Variants in TCF7L1 observed in about 807,000 individuals in gnomAD.
TCF7L1 encodes the protein transcription factor 7 like 1.
Under a neutral mutation model 63.7 loss-of-function variants are expected in TCF7L1, and 18 were observed. That is an observed-to-expected ratio of 0.28 (90% confidence interval 0.20 to 0.42). The LOEUF (loss-of-function observed/expected upper bound fraction) is 0.42. Ranked by LOEUF, TCF7L1 falls within the 10% of genes least tolerant of loss-of-function variation. The probability of loss-of-function intolerance (pLI) is 1.00; values close to 1 mark genes in which losing one functional copy is unlikely to be tolerated. For missense variants in TCF7L1, 654 were observed against 779.3 expected, an observed-to-expected ratio of 0.84 and a Z score of 1.91; for synonymous variants, 355 against 340.9, an observed-to-expected ratio of 1.04 and a Z score of -0.46.
chr2:85,219,030 G>T (rs753236777), intron 3 of TCF7L1, among the ~76,000 whole-genome samples: 1 of 152,164 alleles, frequency 6.6e-6, no homozygotes, highest in Admixed American at 6.5e-5. Flanking sequence ...GCACACACCT[G>T]TAATCCCAGC....
chr2:85,177,688 G>A (rs1472579610), intron 3 of TCF7L1, among the ~76,000 whole-genome samples: 1 of 152,096 alleles, frequency 6.6e-6, no homozygotes, highest in Non-Finnish European at 1.5e-5. Context: ...CTGGGCAACA[G>A]AGCAAGACCC....
chr2:85,309,674 T>A lies in TCF7L1; in HGVS notation c.*212T>A, dbSNP rs1682229867. ...AACAAAACAAAACAACAAAAAAAAA[T>A]CTTTATAAGAAAGAGAACTGAAAAG... On this transcript the variant is annotated 3_prime_UTR_variant, in exon 12 of 12. Transcript: ENST00000282111. The A allele has an allele frequency of 2.1e-6, 1 of 476,982 alleles. No homozygotes were observed. The highest frequency in any genetic ancestry group is 2.0e-5 in the African/African-American group (1 of 50,004). 29.5% of individuals were successfully genotyped at this position (476,982 alleles called of 1,614,324 possible).
At chr2:85,180,934 A>C (rs1678792768) in intron 3 of TCF7L1, among the ~76,000 whole-genome samples, 2 of 152,196 alleles carry the variant, frequency 1.3e-5, no homozygotes, top group African/African-American at 4.8e-5. Context: ...TCCTAGCCCC[A>C]GCCTTCCTAA....
chr2:85,287,571 C>T (rs1179991255), intron 4 of TCF7L1, among the ~76,000 whole-genome samples: 4 of 152,136 alleles, frequency 2.6e-5, no homozygotes, highest in African/African-American at 9.7e-5. Context: ...ACCGTTGCCA[C>T]ACATGGCATT....
intron 3 of TCF7L1, among the ~76,000 whole-genome samples, chr2:85,222,409 C>T (rs1329910528): frequency 6.7e-6 from 1 of 150,236 alleles, no homozygotes; most frequent in African/African-American, 2.4e-5. Flanking sequence ...GTGGTTCACG[C>T]CTGTAATCCC....
At chr2:85,297,901 G>A (rs2104383245) in intron 4 of TCF7L1, among the ~76,000 whole-genome samples, 1 of 151,772 alleles carries the variant, frequency 6.6e-6, no homozygotes, top group Admixed American at 6.6e-5. Context: ...TTTCTTCTTA[G>A]CATTTTAACA....
chr2:85,295,025 G>A (rs1681809643), intron 4 of TCF7L1, among the ~76,000 whole-genome samples: 2 of 151,754 alleles, frequency 1.3e-5, no homozygotes, highest in Admixed American at 1.3e-4. Flanking sequence ...CTGAGACCCT[G>A]TCTGAAAAAA....
At position 85,153,340 on chromosome 2, in the gene TCF7L1, A is replaced by ATTTTTTTTTTTTTTTTTTT. The variant is rs66697146; in HGVS notation, c.441+18891_441+18909dup. ...TTCATGATCTTGCTAGCCTTTATAA[A>ATTTTTTTTTTTTTTTTTTT]TTTTTTTTTTTTTTTTTTTGAGATG... is the stretch of plus-strand genomic sequence containing the variant. On this transcript the variant is annotated intron_variant, in intron 3 of 11. Transcript: ENST00000282111. 1.4e-3 allele frequency among the ~76,000 whole-genome samples: 140 copies of ATTTTTTTTTTTTTTTTTTT among 102,262 alleles called. 5 individuals are homozygous for ATTTTTTTTTTTTTTTTTTT. The highest frequency in any genetic ancestry group is 1.8e-3 in the Non-Finnish European group (97 of 55,218). The allele number at this position is 102,262 out of a possible 152,430, so 67.1% of individuals were successfully genotyped here. A position where few individuals can be genotyped will look rare whatever the true frequency, so the allele number is the denominator to read the frequency against.
At chr2:85,162,353 AG>A (rs1678307467) in intron 3 of TCF7L1, among the ~76,000 whole-genome samples, 1 of 152,218 alleles carries the variant, frequency 6.6e-6, no homozygotes, top group South Asian at 2.1e-4. Context: ...CACTTTTAAA[AG>A]TTGGTACACA....
At chr2:85,248,783 G>C (rs1680525601) in intron 3 of TCF7L1, among the ~76,000 whole-genome samples, 2 of 152,182 alleles carry the variant, frequency 1.3e-5, no homozygotes, top group Admixed American at 6.5e-5. Context: ...GCTCAGCCAG[G>C]AGTGAGTGAT....
intron 3 of TCF7L1, 72 bp from the exon 4 acceptor site, chr2:85,283,423 A>T: frequency 6.4e-7 from 1 of 1,558,950 alleles, no homozygotes; most frequent in African/African-American, 1.4e-5. Flanking sequence ...CTAACAGCAG[A>T]GCCCAGCAAA....
chr2:85,306,514 G>A lies in TCF7L1; in HGVS notation c.1212G>A (p.Gln404=). ...KYYELARKER[Q]LHSQLYPTWS... ...ACGAGCTGGCCCGGAAGGAGCGGCA[G>A]CTTCACTCGCAGCTCTACCCAACCT... is the stretch of plus-strand genomic sequence containing the variant. Residue 404 remains glutamine (Q), a synonymous_variant, in exon 10 of 12, where the codon CAG becomes CAA. Coordinates refer to ENST00000282111, the MANE Select transcript of TCF7L1 (RefSeq NM_031283.3). This position sits in a 1 kb window ranked among gnomAD's most constrained non-coding sequence, Gnocchi z 4.3. 6.2e-7 allele frequency: 1 copy of A among 1,614,186 alleles called. No homozygotes were observed.
chr2:85,271,542 C>T (rs1269639049), intron 3 of TCF7L1, among the ~76,000 whole-genome samples: 1 of 152,236 alleles, frequency 6.6e-6, no homozygotes, highest in African/African-American at 2.4e-5. Flanking sequence ...ATCCTGCCTG[C>T]AGGACCCAGC....
At chr2:85,253,210 T>C (rs940640599) in intron 3 of TCF7L1, among the ~76,000 whole-genome samples, 3 of 152,188 alleles carry the variant, frequency 2.0e-5, no homozygotes, top group African/African-American at 7.2e-5. Flanking sequence ...GGATTTTTCA[T>C]TGTGTAGCAG....
chr2:85,271,287 G>A (rs7576082), intron 3 of TCF7L1, among the ~76,000 whole-genome samples: 3,782 of 152,102 alleles, frequency 0.025, 139 homozygotes, highest in African/African-American at 0.086. Context: ...TAATTTTTGT[G>A]TTTTTAGTAG....
intron 3 of TCF7L1, among the ~76,000 whole-genome samples, chr2:85,209,463 C>T (rs908550570): frequency 3.3e-5 from 5 of 152,300 alleles, no homozygotes; most frequent in East Asian, 1.9e-4. Context: ...GTGGTCTGCC[C>T]GTTGCTTATG....
chr2:85,194,206 G>A (rs1244127564), intron 3 of TCF7L1, among the ~76,000 whole-genome samples: 3 of 152,096 alleles, frequency 2.0e-5, no homozygotes, highest in East Asian at 3.8e-4. Context: ...GGGAAATGAT[G>A]TGGGCAGACT....
In TCF7L1 at chr2:85,160,425, A is replaced by G. The variant is rs188379149; in HGVS notation, c.441+25975A>G. On this transcript the variant is annotated intron_variant, in intron 3 of 11. Transcript: ENST00000282111. ...TTTTTAGTAGAGATGGGGTTTCACC[A>G]TGTTGGCCAGGCTGGTCTCGAACTC... Among the ~76,000 whole-genome samples the G allele has an allele frequency of 1.6e-3, 242 of 152,232 alleles. 2 individuals carry two copies. Among genetic ancestry groups the G allele is most frequent in the African/African-American group, 5.5e-3 (228 of 41,556 alleles).
intron 3 of TCF7L1, among the ~76,000 whole-genome samples, chr2:85,198,872 GA>G (rs1291155345): frequency 6.6e-6 from 1 of 151,920 alleles, no homozygotes. Context: ...AAAATAAAAA[GA>G]AAAAAGAAAA....
Sources: allele counts gnomAD v4.1 joint callset (sites outside exome capture counted in the v4.1 genomes callset), GRCh38; gene constraint gnomAD v4.1.1; non-coding constraint Gnocchi (gnomAD v3.1); transcripts MANE v1.5; gene names NCBI Gene and HGNC (gene_info 2026-07-23, HGNC 2026-07-21).